The following FRMD4A variants were observed in gnomAD, a reference collection of about 807,000 sequenced individuals.
The protein encoded by FRMD4A is FERM domain-containing protein 4A.
A neutral mutation model predicts 129.1 loss-of-function variants in FRMD4A; 29 were observed. The ratio of observed to expected loss-of-function variants is 0.22; its 90% confidence interval spans 0.17 to 0.31. The LOEUF (loss-of-function observed/expected upper bound fraction) is 0.31. Among genes scored for constraint, FRMD4A ranks in the 10% least tolerant of loss-of-function variants. The probability of loss-of-function intolerance (pLI) is 1.00; values close to 1 mark genes in which losing one functional copy is unlikely to be tolerated. For synonymous variants in FRMD4A, 634 were observed against 571.6 expected, an observed-to-expected ratio of 1.11 and a Z score of -1.56; for missense variants, 1,272 against 1,375.8, an observed-to-expected ratio of 0.92 and a Z score of 1.19.
chr10:13,796,723 T>C (rs1035297457), intron 4 of FRMD4A, 135 bp from the exon 5 acceptor site: 3 of 558,626 alleles, frequency 5.4e-6, no homozygotes, highest in Non-Finnish European at 9.6e-6. Flanking sequence ...AATTTTTTTT[T>C]AGTTTTTATT....
chr10:13,674,295 T>C (rs969194046), intron 16 of FRMD4A, among the ~76,000 whole-genome samples: 1 of 152,110 alleles, frequency 6.6e-6, no homozygotes, highest in Non-Finnish European at 1.5e-5. Context: ...CTTGGGAGGA[T>C]GGTGGCCAGC....
intron 18 of FRMD4A, among the ~76,000 whole-genome samples, chr10:13,664,834 T>C (rs1385570153): frequency 1.3e-5 from 2 of 152,092 alleles, no homozygotes; most frequent in Non-Finnish European, 2.9e-5. Context: ...CTCAGCCTCC[T>C]GAGTAGCTGG....
At chr10:13,788,382 C>T (rs1341301746) in intron 5 of FRMD4A, among the ~76,000 whole-genome samples, 1 of 152,226 alleles carries the variant, frequency 6.6e-6, no homozygotes, top group African/African-American at 2.4e-5. Context: ...TTGCCCGTTC[C>T]TCCCCAAAGA....
At chr10:14,073,313 G>A (rs1466820975) in intron 2 of FRMD4A, among the ~76,000 whole-genome samples, 3 of 152,170 alleles carry the variant, frequency 2.0e-5, no homozygotes, top group African/African-American at 7.2e-5. Context: ...GCTACAAGGT[G>A]ACAGATGGGA....
intron 2 of FRMD4A, among the ~76,000 whole-genome samples, chr10:14,066,919 G>A (rs1384555631): frequency 6.6e-6 from 1 of 152,144 alleles, no homozygotes; most frequent in Non-Finnish European, 1.5e-5. Flanking sequence ...ACTATCATGA[G>A]GTATTATCAG....
intron 2 of FRMD4A, among the ~76,000 whole-genome samples, chr10:14,173,670 A>G (rs1841587982): frequency 6.6e-6 from 1 of 152,132 alleles, no homozygotes; most frequent in Non-Finnish European, 1.5e-5. Context: ...GATCTGAGAA[A>G]TTGGTACTTC....
intron 4 of FRMD4A, among the ~76,000 whole-genome samples, chr10:13,806,154 T>C (rs891777375): frequency 1.3e-5 from 2 of 152,044 alleles, no homozygotes; most frequent in African/African-American, 4.8e-5. Context: ...ACAATTTTTT[T>C]TTTTTTGTTT....
intron 3 of FRMD4A, among the ~76,000 whole-genome samples, chr10:13,811,155 A>G (rs1003749038): frequency 6.6e-6 from 1 of 151,066 alleles, no homozygotes; most frequent in Admixed American, 6.6e-5. Context: ...TTTTTAATTG[A>G]GATGGAGTCT....
chr10:13,665,492 A>G (rs1043152750), intron 18 of FRMD4A, among the ~76,000 whole-genome samples: 1 of 152,118 alleles, frequency 6.6e-6, no homozygotes, highest in South Asian at 2.1e-4. Flanking sequence ...AGTTTAGGGG[A>G]CTTGATGCTT....
At chr10:13,716,223 C>A (rs1181122165) in intron 12 of FRMD4A, among the ~76,000 whole-genome samples, 1 of 152,124 alleles carries the variant, frequency 6.6e-6, no homozygotes, top group African/African-American at 2.4e-5. Context: ...TTGGCCAATT[C>A]CTCCGTCCAC....
chr10:13,735,231 G>T (rs2090566540), intron 12 of FRMD4A, among the ~76,000 whole-genome samples: 1 of 152,232 alleles, frequency 6.6e-6, no homozygotes, highest in African/African-American at 2.4e-5. Flanking sequence ...TTGGTAGTCT[G>T]TCCTTCAAGT....
intron 2 of FRMD4A, among the ~76,000 whole-genome samples, chr10:14,244,001 C>T (rs1188501583): frequency 6.6e-6 from 1 of 152,192 alleles, no homozygotes; most frequent in African/African-American, 2.4e-5. Context: ...ATGTACACAA[C>T]TCCACCTTGA....
chr10:13,647,706 G>C (rs200344085), intron 24 of FRMD4A: 5 of 146,748 alleles, frequency 3.4e-5, no homozygotes. Flanking sequence ...TTTAAAATAG[G>C]AAAGTCTATA....
chr10:14,173,825 C>T (rs561111208), intron 2 of FRMD4A, among the ~76,000 whole-genome samples: 14 of 152,104 alleles, frequency 9.2e-5, no homozygotes, highest in Non-Finnish European at 1.6e-4. Context: ...GCTCGCTCCC[C>T]TCTCTGCTCT....
intron 15 of FRMD4A, among the ~76,000 whole-genome samples, chr10:13,686,570 T>TC (rs1458953680): frequency 6.6e-6 from 1 of 152,200 alleles, no homozygotes; most frequent in Non-Finnish European, 1.5e-5. Flanking sequence ...ACCTGTTTTC[T>TC]CCCAGAACAG....
chr10:13,862,826 T>C (rs2094312248), intron 2 of FRMD4A, among the ~76,000 whole-genome samples: 2 of 152,240 alleles, frequency 1.3e-5, no homozygotes, highest in Non-Finnish European at 2.9e-5. Context: ...GGTGTGTACA[T>C]AGAAAGAATT....
At chr10:13,765,898 G>C (rs1464780477) in intron 6 of FRMD4A, among the ~76,000 whole-genome samples, 3 of 152,178 alleles carry the variant, frequency 2.0e-5, no homozygotes, top group South Asian at 2.1e-4. Flanking sequence ...GCGTGCTGTT[G>C]TATGTGTGCT....
chr10:13,948,185 A>AAT (rs750100721), intron 2 of FRMD4A, among the ~76,000 whole-genome samples: 19 of 151,878 alleles, frequency 1.3e-4, no homozygotes, highest in South Asian at 4.2e-4. Flanking sequence ...GTCATGTTGA[A>AAT]ATATATATAT....
intron 3 of FRMD4A, among the ~76,000 whole-genome samples, chr10:13,816,227 G>T (rs530122474): frequency 6.6e-6 from 1 of 152,294 alleles, no homozygotes; most frequent in East Asian, 1.9e-4. Context: ...AGAAGTAAAG[G>T]CCGTGAAGAG....
Sources: allele counts gnomAD v4.1 joint callset (sites outside exome capture counted in the v4.1 genomes callset), GRCh38; gene constraint gnomAD v4.1.1; transcripts MANE v1.5; gene names NCBI Gene and HGNC (gene_info 2026-07-23, HGNC 2026-07-21).